Variants in ADA2 observed in about 807,000 individuals in gnomAD.
The protein encoded by ADA2 is adenosine deaminase CECR1.
A neutral mutation model predicts 44.2 loss-of-function variants in ADA2; 29 were observed. The ratio of observed to expected loss-of-function variants is 0.66; its 90% CI spans 0.49 to 0.89. ADA2 has a LOEUF of 0.89. Among genes scored for constraint, ADA2 ranks in the 40% least tolerant of loss-of-function variants. The pLI is 0.00. For missense variants in ADA2, 637 were observed against 644.8 expected (o/e 0.99, Z 0.13); for synonymous variants, 215 against 234.9 (o/e 0.92, Z 0.77).
At chr22:17,182,867 G>A (rs2061989844) in intron 7 of ADA2, 106 bp from the exon 8 acceptor site, 1 of 1,095,406 alleles carries the variant, frequency 9.1e-7, no homozygotes, top group Non-Finnish European at 1.3e-6. Flanking sequence ...CAAATAAACA[G>A]CCCCCCAAGC....
intron 1 of ADA2, chr22:17,214,039 C>CA (rs35502604): frequency 0.11 from 32,616 of 283,810 alleles, 1,423 homozygotes; most frequent in East Asian, 0.18. Context: ...AACTCTGTCT[C>CA]AAAAAAAAAA....
chr22:17,205,970 A>G (rs2123706375), intron 3 of ADA2, among the ~76,000 whole-genome samples: 1 of 152,354 alleles, frequency 6.6e-6, no homozygotes, highest in African/African-American at 2.4e-5. Context: ...ACTGCACTCC[A>G]GCCTAGATGA....
chr22:17,220,679 A>G (rs2062516633), upstream of ADA2, among the ~76,000 whole-genome samples: 1 of 151,806 alleles, frequency 6.6e-6, no homozygotes, highest in South Asian at 2.1e-4. Flanking sequence ...ACTCCTCCCC[A>G]GTCCCACTCA....
At position 17,179,648 on chromosome 22, in the gene ADA2, G is replaced by A. The variant is rs941530986; in HGVS notation, c.*1835C>T. On this transcript the variant is annotated 3_prime_UTR_variant, in exon 10 of 10. Coordinates refer to ENST00000399837, the MANE Select transcript of ADA2 (RefSeq NM_001282225.2). ...GAGAAAGAGAAAAGACCCAGGCACGGTATAGAGCCGAGGACATTTGAGGAA... is the reference window on the plus strand; with the variant it reads ...GAGAAAGAGAAAAGACCCAGGCACGATATAGAGCCGAGGACATTTGAGGAA... 3 of 152,350 alleles carry A rather than the reference G, an allele frequency of 2.0e-5. No individual in the cohort carries two copies. Among genetic ancestry groups the A allele is most frequent in the African/African-American group, 7.2e-5 (3 of 41,452 alleles). The allele number at this position is 152,350 out of a possible 1,614,324, so 9.4% of individuals were successfully genotyped here. A position where few individuals can be genotyped will look rare whatever the true frequency, so the allele number is the denominator to read the frequency against.
intron 1 of ADA2, among the ~76,000 whole-genome samples, chr22:17,212,367 T>A (rs916356467): frequency 5.3e-5 from 8 of 151,794 alleles, no homozygotes; most frequent in African/African-American, 1.9e-4. Context: ...CTGGTCCAAG[T>A]AGTTCTTCTG....
intron 1 of ADA2, chr22:17,213,546 A>C: frequency 3.3e-6 from 1 of 302,098 alleles, no homozygotes; most frequent in Non-Finnish European, 6.6e-6. Flanking sequence ...AGGACTTCTA[A>C]AGCTGAAAGG....
At chr22:17,200,166 G>T (rs1421444317) in intron 4 of ADA2, among the ~76,000 whole-genome samples, 1 of 152,120 alleles carries the variant, frequency 6.6e-6, no homozygotes, top group Non-Finnish European at 1.5e-5. Context: ...CTTTACTCCA[G>T]CCTGGGCAAC....
At chr22:17,183,192 T>C (rs1187996587) in intron 7 of ADA2, among the ~76,000 whole-genome samples, 3 of 151,982 alleles carry the variant, frequency 2.0e-5, no homozygotes, top group Non-Finnish European at 2.9e-5. Context: ...CAAACAATTT[T>C]CCTGCCTCAG....
At chr22:17,189,706 A>C in intron 6 of ADA2, 1 of 480,666 alleles carries the variant, frequency 2.1e-6, no homozygotes, top group Non-Finnish European at 3.8e-6. Flanking sequence ...TTAGCTTGTT[A>C]GAACTGGCTG....
intron 1 of ADA2, chr22:17,214,023 G>C (rs1321732703): frequency 2.7e-6 from 1 of 364,108 alleles, no homozygotes. Context: ...TGAGCAACAA[G>C]AGCGAAACTC....
intron 5 of ADA2, among the ~76,000 whole-genome samples, chr22:17,191,044 T>C (rs113891079): frequency 0.026 from 3,919 of 152,340 alleles, 166 homozygotes; most frequent in African/African-American, 0.089. Flanking sequence ...GGGACCCCAC[T>C]GGCTGCTGCC....
At chr22:17,201,381 G>A (rs1187805056) in intron 4 of ADA2, among the ~76,000 whole-genome samples, 1 of 152,146 alleles carries the variant, frequency 6.6e-6, no homozygotes, top group Non-Finnish European at 1.5e-5. Context: ...TCTACAAACA[G>A]TAAACTTCGG....
intron 4 of ADA2, among the ~76,000 whole-genome samples, chr22:17,193,991 G>A (rs1311963537): frequency 1.4e-5 from 2 of 143,978 alleles, no homozygotes; most frequent in Non-Finnish European, 3.0e-5. Context: ...CCTGGGCAAT[G>A]AGTGAGTTCC....
At chr22:17,219,823 C>T (rs550963640), upstream of ADA2, among the ~76,000 whole-genome samples, 213 of 151,802 alleles carry the variant, frequency 1.4e-3, 5 homozygotes, top group South Asian at 0.043. Flanking sequence ...TGCAGGCGTG[C>T]GCCACCATGC....
intron 6 of ADA2, chr22:17,188,868 A>AAAAAAAAATATATATAT: frequency 1.2e-5 from 1 of 81,128 alleles, no homozygotes. Flanking sequence ...AAGAGCAAAA[A>AAAAAAAAATATATATAT]ATATATATAT....
chr22:17,197,227 A>G (rs185970615), intron 4 of ADA2, among the ~76,000 whole-genome samples: 6 of 152,006 alleles, frequency 3.9e-5, no homozygotes, highest in Admixed American at 3.3e-4. Flanking sequence ...CAGAACAGAA[A>G]CAAGGACTCG....
intron 1 of ADA2, chr22:17,213,798 G>A: frequency 4.0e-6 from 1 of 252,372 alleles, no homozygotes; most frequent in South Asian, 4.2e-5. Context: ...AGCACTTCAG[G>A]AGGCTGAGGC....
In ADA2 at chr22:17,188,442, C is replaced by T. The variant is rs2062065868; in HGVS notation, c.978G>A (p.Gly326=). 2 of 1,609,402 alleles carry T rather than the reference C, an allele frequency of 1.2e-6. No individual in the cohort carries two copies. The highest frequency in any genetic ancestry group is 1.7e-6 in the Non-Finnish European group (2 of 1,175,894). The stretch of plus-strand genomic sequence containing the variant: ...GCAAGGAGTGGCCAGTGTCCTCATG[C>T]CCCACCTGCAGGACAGAGAGGGACA... ...PTVVAGFDLV[G]HEDTGHSLHD... is the part of the protein sequence containing the mutation. Residue 326 remains glycine (G), a synonymous_variant, in exon 7 of 10, where the codon GGG becomes GGA. Transcript: ENST00000399837.
At chr22:17,191,599 T>A in intron 5 of ADA2, 84 bp downstream of exon 5, 20 of 1,028,746 alleles carry the variant, frequency 1.9e-5, no homozygotes, top group East Asian at 5.9e-5. Flanking sequence ...CCAGCCCCGC[T>A]TCTCACCCCT....
Sources: allele counts gnomAD v4.1 joint callset (sites outside exome capture counted in the v4.1 genomes callset), GRCh38; gene constraint gnomAD v4.1.1; transcripts MANE v1.5; gene names NCBI Gene and HGNC (gene_info 2026-07-23, HGNC 2026-07-21).